Variants in SUN2 observed in about 807,000 individuals in gnomAD.
SUN2 encodes the protein Sad1 and UNC84 domain containing 2.
SUN2 carries 60 observed loss-of-function variants against 100.0 expected under a neutral mutation model. The ratio of observed to expected loss-of-function variants is 0.60; its 90% CI spans 0.49 to 0.74. The LOEUF is 0.74. Ranked by LOEUF, SUN2 falls within the 30% of genes least tolerant of loss-of-function variation. The pLI, the probability that SUN2 is intolerant of heterozygous loss-of-function variation, is 0.00. For missense variants in SUN2, 834 were observed against 954.6 expected, an observed-to-expected ratio of 0.87 and a Z score of 1.66; for synonymous variants, 367 against 403.3, an observed-to-expected ratio of 0.91 and a Z score of 1.08.
At position 38,751,881 on chromosome 22, in the gene SUN2, G is replaced by A. The variant is rs1569306287; in HGVS notation, c.123-508C>T. On this transcript the variant is annotated intron_variant, in intron 2 of 17. Transcript: ENST00000689035. The stretch of plus-strand genomic sequence containing the variant: ...CTGACACGCCCGTCCAGAGCAGGGG[G>A]GGTTCCTGTGAGCCCAGCCTGCAGT... Among the ~76,000 whole-genome samples, 3 of 152,216 alleles carry A rather than the reference G, an allele frequency of 2.0e-5. No homozygotes were observed. In the South Asian group the frequency reaches 6.2e-4, roughly 31 times the overall value.
In SUN2 at chr22:38,752,496, T is replaced by C. The variant is rs762835031; in HGVS notation, c.122+11A>G. 1 of 1,604,832 alleles carries C rather than the reference T, an allele frequency of 6.2e-7. No homozygotes were observed. Among genetic ancestry groups the C allele is most frequent in the South Asian group, 1.1e-5 (1 of 90,636 alleles). On this transcript the variant is annotated intron_variant, in intron 2 of 17. Transcript: ENST00000689035. The stretch of plus-strand genomic sequence containing the variant: ...GCTGTCAGGGGCCGTGGCACTCCCT[T>C]GGGTCCCTACCTGAGAGGACTGTCT...
chr22:38,738,413 C>T lies in SUN2; in HGVS notation c.1948-148G>A. On this transcript the variant is annotated intron_variant, in intron 16 of 17. Transcript: ENST00000689035. The surrounding 1 kb of genome is among the most constrained non-coding windows in gnomAD (Gnocchi z 6.6). ...CACTCTCTTGTGCCACAGTTTCTGCCTCCAAAGCCTAAGGTAACAGGGACT... is the reference window on the plus strand; with the variant it reads ...CACTCTCTTGTGCCACAGTTTCTGCTTCCAAAGCCTAAGGTAACAGGGACT... The T allele has an allele frequency of 2.7e-6, 3 of 1,118,022 alleles. No individual in the cohort carries two copies. Among genetic ancestry groups the T allele is most frequent in the Non-Finnish European group, 3.9e-6 (3 of 778,720 alleles). 69.3% of individuals were successfully genotyped at this position (1,118,022 alleles called of 1,614,324 possible). A position where few individuals can be genotyped will look rare whatever the true frequency, so the allele number is the denominator to read the frequency against.
chr22:38,751,062 T>C (rs954152253), intron 3 of SUN2, 27 bp from the exon 4 acceptor site: 4 of 1,610,314 alleles, frequency 2.5e-6, no homozygotes, highest in Non-Finnish European at 3.4e-6. Flanking sequence ...CAGGGGCTCT[T>C]CTGGGCCTCC....
chr22:38,735,204 C>T lies in SUN2; in HGVS notation c.*1063G>A, dbSNP rs1175887044. Reference sequence around the variant, plus strand: ...CTTCTGCCAGCCTCTTCCCCCAGCCCCCACCAACTGCCCCACAGAGAACAA... The same window carrying T: ...CTTCTGCCAGCCTCTTCCCCCAGCCTCCACCAACTGCCCCACAGAGAACAA... On this transcript the variant is annotated 3_prime_UTR_variant, in exon 18 of 18. Coordinates refer to ENST00000689035, the MANE Select transcript of SUN2 (RefSeq NM_015374.3). The T allele has an allele frequency of 2.2e-6, 1 of 454,804 alleles. No individual in the cohort carries two copies. Among genetic ancestry groups the T allele is most frequent in the Non-Finnish European group, 4.4e-6 (1 of 226,310 alleles). 28.2% of individuals were successfully genotyped at this position (454,804 alleles called of 1,614,324 possible).
At chr22:38,754,604 C>CGGGTG in intron 1 of SUN2, 1 of 437,636 alleles carries the variant, frequency 2.3e-6, no homozygotes, top group Non-Finnish European at 4.5e-6. Flanking sequence ...AAGGTAATCT[C>CGGGTG]CCCTCCCCCC....
intron 7 of SUN2, among the ~76,000 whole-genome samples, chr22:38,748,237 C>A (rs1033116893): frequency 6.6e-6 from 1 of 152,216 alleles, no homozygotes; most frequent in Non-Finnish European, 1.5e-5. Context: ...TCACTTGAAC[C>A]TGAGAGGTGG....
intron 7 of SUN2, 104 bp downstream of exon 7, chr22:38,748,609 A>C (rs2092921371): frequency 7.5e-7 from 1 of 1,324,878 alleles, no homozygotes; most frequent in South Asian, 1.2e-5. Flanking sequence ...GCCCAGTCAC[A>C]GGCACACCCC....
rs781099795 is a variant in SUN2, at chr22:38,736,317, C to G, written c.2104G>C (p.Glu702Gln). Residue 702 changes from glutamate to glutamine, a missense_variant, in exon 18 of 18, where the codon GAG becomes CAG. By Grantham distance (29) the Glu-to-Gln change is conservative. This residue lies in a region of SUN2 where 80 missense variants were observed against 76.7 expected (regional missense o/e 1.04). Transcript: ENST00000689035. Reference sequence around the variant, plus strand: ...CTGAAGCGGTAGATGCAGGTGTACTCGGGGTGGCCCCAGTTAGTCAGGATC... The same window carrying G: ...CTGAAGCGGTAGATGCAGGTGTACTGGGGGTGGCCCCAGTTAGTCAGGATC... Reference protein sequence around the residue: ...LRILTNWGHPEYTCIYRFRVH... With the variant: ...LRILTNWGHPQYTCIYRFRVH... 2 of 1,614,026 alleles carry G rather than the reference C, an allele frequency of 1.2e-6. No individual in the cohort carries two copies. Among genetic ancestry groups the G allele is most frequent in the South Asian group, 1.1e-5 (1 of 91,084 alleles).
Position 38,735,298 on chromosome 22 carries a change from A to C in SUN2, c.*969T>G. Reference sequence around the variant, plus strand: ...GGGGCAGCCTGAGCGGACGACCCCTACATCAGGGCCTGGTTAGATGTGGGG... The same window carrying C: ...GGGGCAGCCTGAGCGGACGACCCCTCCATCAGGGCCTGGTTAGATGTGGGG... On this transcript the variant is annotated 3_prime_UTR_variant, in exon 18 of 18. Transcript: ENST00000689035. 1 of 452,318 alleles carries C rather than the reference A, an allele frequency of 2.2e-6. No homozygotes were observed. Among genetic ancestry groups the C allele is most frequent in the Non-Finnish European group, 4.4e-6 (1 of 225,470 alleles). 28.0% of individuals were successfully genotyped at this position (452,318 alleles called of 1,614,324 possible). A position where few individuals can be genotyped will look rare whatever the true frequency, so the allele number is the denominator to read the frequency against.
In SUN2 at chr22:38,736,393, G is replaced by T; in HGVS notation, c.2041-13C>A. 6.2e-7 allele frequency: 1 copy of T among 1,605,910 alleles called. No homozygotes were observed. Among genetic ancestry groups the T allele is most frequent in the South Asian group, 1.1e-5 (1 of 90,204 alleles). Reference sequence around the variant, plus strand: ...CCATCGTAGGGGCCTGGGTAGAGAAGAAAGGGATTAAGAGCATCAGAGACC... The same window carrying T: ...CCATCGTAGGGGCCTGGGTAGAGAATAAAGGGATTAAGAGCATCAGAGACC... On this transcript the variant is annotated splice_polypyrimidine_tract_variant and intron_variant, in intron 17 of 17. Transcript: ENST00000689035.
Position 38,736,624 on chromosome 22 carries a change from A to C in SUN2, c.2041-244T>G. On this transcript the variant is annotated intron_variant, in intron 17 of 17. Transcript: ENST00000689035. Reference sequence around the variant, plus strand: ...TGAAACCGGAATGAATTCATCCACAATCGTTTTTTTATTGTGATCAACAGA... The same window carrying C: ...TGAAACCGGAATGAATTCATCCACACTCGTTTTTTTATTGTGATCAACAGA... The C allele has an allele frequency of 1.1e-5, 4 of 354,954 alleles. No homozygotes were observed. The East Asian group carries it at 1.4e-4, about 12-fold the overall frequency. The allele number at this position is 354,954 out of a possible 1,614,324, so 22.0% of individuals were successfully genotyped here.
At position 38,738,475 on chromosome 22, in the gene SUN2, A is replaced by C; in HGVS notation, c.1947+112T>G. On this transcript the variant is annotated intron_variant, in intron 16 of 17. Transcript: ENST00000689035. This position sits in a 1 kb window ranked among gnomAD's most constrained non-coding sequence, Gnocchi z 6.6. The stretch of plus-strand genomic sequence containing the variant: ...TCCCACCCTAGCTCCTCCTCTTCCA[A>C]ATCCACTCCCCTCCCTTCCAGTCCA... 1 of 1,439,494 alleles carries C rather than the reference A, an allele frequency of 6.9e-7. No homozygotes were observed. The highest frequency in any genetic ancestry group is 9.5e-7 in the Non-Finnish European group (1 of 1,054,558). The allele number at this position is 1,439,494 out of a possible 1,614,324, so 89.2% of individuals were successfully genotyped here. A position where few individuals can be genotyped will look rare whatever the true frequency, so the allele number is the denominator to read the frequency against.
rs1051980061 is a variant in SUN2, at chr22:38,735,257, G to A, written c.*1010C>T. On this transcript the variant is annotated 3_prime_UTR_variant, in exon 18 of 18. Transcript: ENST00000689035. The stretch of plus-strand genomic sequence containing the variant: ...CAGAAGGGCGACTACCTGAACAAGA[G>A]CTGCAAGAGCCCAAGGGGGCAGCCT... 2.2e-5 allele frequency: 10 copies of A among 455,674 alleles called. No homozygotes were observed. Among genetic ancestry groups the A allele is most frequent in the Admixed American group, 4.7e-5 (2 of 42,500 alleles). The allele number at this position is 455,674 out of a possible 1,614,324, so 28.2% of individuals were successfully genotyped here.
rs138079219 is a variant in SUN2, at chr22:38,740,267, G to A, written c.1356C>T (p.Asp452=). The change falls in exon 12 of 18, where the codon GAC becomes GAT. Residue 452 remains aspartate (D), a splice_region_variant and synonymous_variant. Coordinates refer to ENST00000689035, the MANE Select transcript of SUN2 (RefSeq NM_015374.3). The surrounding 1 kb of genome is among the most constrained non-coding windows in gnomAD (Gnocchi z 4.8). ...CAGGGCCCTGGTGGTTCCCACTCACGTCGTCCCGCACGGCCTGGATCTGCT... is the reference window on the plus strand; with the variant it reads ...CAGGGCCCTGGTGGTTCCCACTCACATCGTCCCGCACGGCCTGGATCTGCT... The part of the protein sequence containing the change: ...LPQQIQAVRD[D]VESQFPAWIS... The A allele has an allele frequency of 1.8e-3, 2,810 of 1,573,900 alleles. 49 individuals are homozygous for A. In the African/African-American group the frequency reaches 0.035, roughly 19 times the overall value.
chr22:38,751,516 CT>C, intron 2 of SUN2, 143 bp from the exon 3 acceptor site: 1 of 783,442 alleles, frequency 1.3e-6, no homozygotes, highest in East Asian at 2.7e-5. Context: ...TGCCATTCCC[CT>C]GACTCTCCCA....
chr22:38,754,814 C>G lies in SUN2; in HGVS notation c.-38+949G>C, dbSNP rs114680441. 1.9e-3 allele frequency: 2,447 copies of G among 1,285,960 alleles called. 45 individuals are homozygous for G. In the African/African-American group the frequency reaches 0.035, roughly 18 times the overall value. 79.7% of individuals were successfully genotyped at this position (1,285,960 alleles called of 1,614,324 possible). On this transcript the variant is annotated intron_variant, in intron 1 of 17. Coordinates refer to ENST00000689035, the MANE Select transcript of SUN2 (RefSeq NM_015374.3). ...TTGAGCGGGGAGTGCTGAAAACTGT[C>G]AGCACCCGCCTCCGCCCTCCCAGAA...
chr22:38,741,518 GA>G lies in SUN2; in HGVS notation c.1121del (p.Phe374SerfsTer18). ...CCTGGGAGGCCCGGACGATCTTCTTGAAGAGGTCTTCTGAGTCTTGCTGATG... is the reference window on the plus strand; with the variant it reads ...CCTGGGAGGCCCGGACGATCTTCTTGAGAGGTCTTCTGAGTCTTGCTGATG... ...AEHQQDSEDL[F>X]KKIVRASQES... On this transcript the variant is annotated frameshift_variant, in exon 10 of 18. Transcript: ENST00000689035. LOFTEE classifies it high-confidence loss of function. The G allele has an allele frequency of 4.3e-6, 7 of 1,614,066 alleles. No homozygotes were observed. Among genetic ancestry groups the G allele is most frequent in the Non-Finnish European group, 5.9e-6 (7 of 1,180,022 alleles).
chr22:38,750,932 A>G lies in SUN2; in HGVS notation c.390T>C (p.Ser130=), dbSNP rs1255300919. 4 of 1,613,922 alleles carry G rather than the reference A, an allele frequency of 2.5e-6. No individual in the cohort carries two copies. The highest frequency in any genetic ancestry group is 3.4e-6 in the Non-Finnish European group (4 of 1,180,026). The part of the protein sequence containing the change: ...GRKATEDFLG[S]SSGYSSEDDY... Reference sequence around the variant, plus strand: ...CGTCCTCAGAGGAGTAGCCCGAGGAAGAGCCCAGGAAGTCCTCGGTGGCCT... The same window carrying G: ...CGTCCTCAGAGGAGTAGCCCGAGGAGGAGCCCAGGAAGTCCTCGGTGGCCT... Residue 130 remains serine, a synonymous_variant, in exon 4 of 18, where the codon TCT becomes TCC. Transcript: ENST00000689035.
chr22:38,741,607 G>A (rs1014547237), intron 9 of SUN2, 36 bp from the exon 10 acceptor site: 4 of 1,597,760 alleles, frequency 2.5e-6, no homozygotes, highest in East Asian at 2.2e-5. Flanking sequence ...GTTGGACAGA[G>A]CCATGCTTAT....
Sources: allele counts gnomAD v4.1 joint callset (sites outside exome capture counted in the v4.1 genomes callset), GRCh38; gene constraint gnomAD v4.1.1; regional missense constraint gnomAD v4.1.1; non-coding constraint Gnocchi (gnomAD v3.1); transcripts MANE v1.5; gene names NCBI Gene and HGNC (gene_info 2026-07-23, HGNC 2026-07-21).